Variants in ITGAE observed in about 807,000 individuals in gnomAD.
The protein encoded by ITGAE is integrin alpha-E.
In ITGAE, 99 loss-of-function variants were observed where a neutral mutation model predicts 136.5. The ratio of observed to expected loss-of-function variants is 0.73; its 90% CI spans 0.62 to 0.86. ITGAE has a LOEUF of 0.86. Ranked by LOEUF, ITGAE falls within the 40% of genes least tolerant of loss-of-function variation. The probability of loss-of-function intolerance (pLI) is 0.00; values close to 1 mark genes in which losing one functional copy is unlikely to be tolerated. For missense variants in ITGAE, 1,447 were observed against 1,515.3 expected (o/e 0.95, Z 0.75); for synonymous variants, 613 against 591.8 (o/e 1.04, Z -0.52).
At chr17:3,762,045 A>G (rs1202313474) in intron 3 of ITGAE, 63 bp from the exon 4 acceptor site, 13 of 1,432,226 alleles carry the variant, frequency 9.1e-6, no homozygotes, top group Non-Finnish European at 1.3e-5. Flanking sequence ...ACCCGAAGCC[A>G]AGGTCAGAGG....
At chr17:3,725,138 G>A (rs2143008368) in intron 26 of ITGAE, 1 of 1,614,196 alleles carries the variant, frequency 6.2e-7, no homozygotes, top group East Asian at 2.2e-5. Flanking sequence ...ATGTGTCAGA[G>A]GTCTGCAGCA....
At chr17:3,725,764 T>C (rs2051195028) in intron 26 of ITGAE, 1 of 1,593,226 alleles carries the variant, frequency 6.3e-7, no homozygotes, top group Non-Finnish European at 8.6e-7. Context: ...TTTGGAGGGA[T>C]TGACTTAGAG....
rs1212656695 is a variant in ITGAE, at chr17:3,801,048, G to A, written c.34+63C>T. The A allele has an allele frequency of 1.9e-6, 3 of 1,573,100 alleles. No homozygotes were observed. The East Asian group carries it at 6.7e-5, about 35-fold the overall frequency. ...AGACAGACAGTCAAGGCTGTAGTCT[G>A]CAGACACCTGGCTGGAGCTGAGGGC... On this transcript the variant is annotated intron_variant, in intron 1 of 30. Coordinates refer to ENST00000263087, the MANE Select transcript of ITGAE (RefSeq NM_002208.5).
chr17:3,723,197 A>G (rs2051094779), intron 28 of ITGAE, 91 bp downstream of exon 28: 1 of 907,288 alleles, frequency 1.1e-6, no homozygotes, highest in African/African-American at 1.6e-5. Context: ...TTGGACATGG[A>G]CATGTTATGC....
intron 6 of ITGAE, 143 bp from the exon 7 acceptor site, chr17:3,760,430 CTTTTTTTTTTTTTTTT>C: frequency 1.6e-5 from 1 of 64,026 alleles, no homozygotes; most frequent in East Asian, 3.6e-4. Flanking sequence ...AAGAGGGAAG[CTTTTTTTTTTTTTTTT>C]TTTTTTTTTT....
intron 2 of ITGAE, among the ~76,000 whole-genome samples, chr17:3,772,122 T>C (rs1447880353): frequency 1.3e-5 from 2 of 152,240 alleles, no homozygotes; most frequent in East Asian, 1.9e-4. Context: ...AGCTGTTCTC[T>C]GTGCCTGCCA....
rs147389951 is a variant in ITGAE at position 3,753,371 on chromosome 17, C to T, written c.1587G>A (p.Thr529=). 190 of 1,614,018 alleles carry T rather than the reference C, an allele frequency of 1.2e-4. No homozygotes were observed. The highest frequency in any genetic ancestry group is 3.4e-4 in the South Asian group (31 of 91,084). The change falls in exon 14 of 31, where the codon ACG becomes ACA. Residue 529 remains threonine (T), a synonymous_variant. Coordinates refer to ENST00000263087, the MANE Select transcript of ITGAE (RefSeq NM_002208.5). ...CPVDIDMDGS[T]DFLLVAAPFY... ...ATGGAGCAGCCACCAGCAAGAAGTC[C>T]GTGCTTCCATCCATGTCAATGTCCA...
intron 16 of ITGAE, 49 bp downstream of exon 16, chr17:3,750,303 A>G: frequency 6.2e-7 from 1 of 1,607,338 alleles, no homozygotes; most frequent in South Asian, 1.1e-5. Context: ...GAGCAGGGCA[A>G]ATGGGTGAGG....
intron 1 of ITGAE, 110 bp from the exon 2 acceptor site, chr17:3,777,770 C>T (rs142129075): frequency 3.1e-6 from 4 of 1,280,190 alleles, no homozygotes; most frequent in Non-Finnish European, 4.3e-6. Flanking sequence ...GTGAGACTGC[C>T]CAGGGATCTT....
intron 16 of ITGAE, among the ~76,000 whole-genome samples, chr17:3,748,594 AC>A (rs1315467650): frequency 5.9e-5 from 9 of 152,216 alleles, no homozygotes; most frequent in African/African-American, 2.2e-4. Context: ...CTCAACAACA[AC>A]AACAAAAATA....
intron 20 of ITGAE, 119 bp from the exon 21 acceptor site, chr17:3,735,068 A>C (rs1597314115): frequency 1.7e-5 from 19 of 1,120,032 alleles, no homozygotes; most frequent in Non-Finnish European, 2.2e-5. Flanking sequence ...ATCACGGCTC[A>C]CCGCAGCCTC....
In ITGAE at chr17:3,720,343, T is replaced by C. The variant is rs1445535653; in HGVS notation, c.3297A>G (p.Leu1099=). The part of the protein sequence containing the change: ...ILGEISFNKS[L]YEGLNAENHR... Reference sequence around the variant, plus strand: ...GGTTCTCTGCATTCAGTCCCTCATATAGAGATTTGTTGAAAGATATTTCAC... The same window carrying C: ...GGTTCTCTGCATTCAGTCCCTCATACAGAGATTTGTTGAAAGATATTTCAC... The change falls in exon 29 of 31, where the codon CTA becomes CTG. Residue 1099 remains leucine, a synonymous_variant. Coordinates refer to ENST00000263087, the MANE Select transcript of ITGAE (RefSeq NM_002208.5). The C allele has an allele frequency of 1.3e-6, 2 of 1,590,538 alleles. No homozygotes were observed. Among genetic ancestry groups the C allele is most frequent in the South Asian group, 1.1e-5 (1 of 90,528 alleles).
Position 3,796,192 on chromosome 17 carries a change from T to TGTGTGTGTGTGTGTGG in ITGAE, c.34+4918_34+4919insCCACACACACACACAC, listed in dbSNP as rs1016303323. 1.1e-3 allele frequency among the ~76,000 whole-genome samples: 159 copies of TGTGTGTGTGTGTGTGG among 148,686 alleles called. 2 individuals are homozygous for TGTGTGTGTGTGTGTGG. Among genetic ancestry groups the TGTGTGTGTGTGTGTGG allele is most frequent in the African/African-American group, 3.9e-3 (150 of 38,808 alleles). ...ATCCGTGTGTGTGTGTGTGTGTGTG[T>TGTGTGTGTGTGTGTGG]GGTGGGGTAGTTCGCTGTATTTGCT... On this transcript the variant is annotated intron_variant, in intron 1 of 30. Coordinates refer to ENST00000263087, the MANE Select transcript of ITGAE (RefSeq NM_002208.5).
intron 2 of ITGAE, among the ~76,000 whole-genome samples, chr17:3,775,296 TG>T (rs746839303): frequency 7.8e-4 from 119 of 152,300 alleles, no homozygotes; most frequent in Middle Eastern, 3.4e-3. Context: ...ACTCACGGTA[TG>T]TTTCCAGATG....
intron 28 of ITGAE, among the ~76,000 whole-genome samples, chr17:3,722,108 G>A (rs764672487): frequency 4.6e-5 from 7 of 152,010 alleles, no homozygotes; most frequent in Non-Finnish European, 8.8e-5. Context: ...GAACCCGGGA[G>A]GCGGAGGTTG....
chr17:3,761,394 A>C lies in ITGAE; in HGVS notation c.433+9T>G, dbSNP rs2052164850. The C allele has an allele frequency of 1.2e-6, 2 of 1,607,390 alleles. No individual in the cohort carries two copies. Among genetic ancestry groups the C allele is most frequent in the Non-Finnish European group, 1.7e-6 (2 of 1,177,022 alleles). ...AGCTATCCAAGGCCAGTGAATGTCC[A>C]ATCCTTACCAAGGTCGAAGAAGTTG... On this transcript the variant is annotated intron_variant, in intron 5 of 30. Transcript: ENST00000263087.
In ITGAE at chr17:3,755,151, C is replaced by G; in HGVS notation, c.1350G>C (p.Ala450=). Residue 450 remains alanine, a synonymous_variant, in exon 12 of 31, where the codon GCG becomes GCC. Transcript: ENST00000263087. ...TGTACTGCGCAGCCTCCGCGTCTGC[C>G]GCCGCCGCCGCTGTCTGGTTCAGGA... is the stretch of plus-strand genomic sequence containing the variant. ...GRFLNQTAAA[A]ADAEAAQYSY... 7 of 1,501,262 alleles carry G rather than the reference C, an allele frequency of 4.7e-6. No individual in the cohort carries two copies. The highest frequency in any genetic ancestry group is 6.3e-6 in the Non-Finnish European group (7 of 1,115,618). 93.0% of individuals were successfully genotyped at this position (1,501,262 alleles called of 1,614,324 possible). A position where few individuals can be genotyped will look rare whatever the true frequency, so the allele number is the denominator to read the frequency against.
At chr17:3,790,789 G>A (rs989369725) in intron 1 of ITGAE, among the ~76,000 whole-genome samples, 19 of 152,124 alleles carry the variant, frequency 1.2e-4, no homozygotes, top group African/African-American at 3.9e-4. Flanking sequence ...CACTCCAGAC[G>A]GAGAGCCACA....
At chr17:3,800,620 G>A (rs2053232774) in intron 1 of ITGAE, among the ~76,000 whole-genome samples, 1 of 152,110 alleles carries the variant, frequency 6.6e-6, no homozygotes, top group African/African-American at 2.4e-5. Flanking sequence ...CAGGAAGCAG[G>A]CTCCCTGCCA....
Sources: allele counts gnomAD v4.1 joint callset (sites outside exome capture counted in the v4.1 genomes callset), GRCh38; gene constraint gnomAD v4.1.1; transcripts MANE v1.5; gene names NCBI Gene and HGNC (gene_info 2026-07-23, HGNC 2026-07-21).